Variants in FAF1 observed in about 807,000 individuals in gnomAD.
FAF1 encodes Fas associated factor 1.
In FAF1, 25 loss-of-function variants were observed where a neutral mutation model predicts 92.5. That is an observed-to-expected ratio of 0.27 (90% confidence interval 0.20 to 0.38). FAF1 has a LOEUF of 0.38. Among genes scored for constraint, FAF1 ranks in the 10% least tolerant of loss-of-function variants. The pLI is 1.00. For missense variants in FAF1, 636 were observed against 793.3 expected, an observed-to-expected ratio of 0.80 and a Z score of 2.38; for synonymous variants, 234 against 273.2, an observed-to-expected ratio of 0.86 and a Z score of 1.42.
At chr1:50,887,066 G>T (rs542779704) in intron 1 of FAF1, among the ~76,000 whole-genome samples, 2 of 152,084 alleles carry the variant, frequency 1.3e-5, no homozygotes, top group East Asian at 1.9e-4. Flanking sequence ...TTTAATGATC[G>T]CCATTCTAAC....
chr1:50,538,874 C>CA (rs1452667775), intron 14 of FAF1, among the ~76,000 whole-genome samples: 1 of 152,148 alleles, frequency 6.6e-6, no homozygotes, highest in Non-Finnish European at 1.5e-5. Context: ...CCCCTCCTCC[C>CA]AATCAGACTT....
intron 1 of FAF1, among the ~76,000 whole-genome samples, chr1:50,934,049 T>C (rs1351834665): frequency 6.6e-6 from 1 of 152,220 alleles, no homozygotes; most frequent in Non-Finnish European, 1.5e-5. Flanking sequence ...AGCCAAACCA[T>C]ATCAGCATAT....
chr1:50,509,448 C>A (rs1647104365), intron 15 of FAF1, among the ~76,000 whole-genome samples: 1 of 151,896 alleles, frequency 6.6e-6, no homozygotes, highest in African/African-American at 2.4e-5. Context: ...CCTATCTCTA[C>A]AAAAAATTTA....
At chr1:50,672,254 G>A (rs1380887000) in intron 7 of FAF1, among the ~76,000 whole-genome samples, 4 of 151,970 alleles carry the variant, frequency 2.6e-5, no homozygotes, top group Non-Finnish European at 5.9e-5. Flanking sequence ...TCTTGGCCAG[G>A]CTGGTCTTGA....
intron 8 of FAF1, among the ~76,000 whole-genome samples, chr1:50,651,814 C>G (rs7555308): frequency 6.6e-6 from 1 of 152,122 alleles, no homozygotes; most frequent in Non-Finnish European, 1.5e-5. Flanking sequence ...AGTATAAAAA[C>G]ACCACCGCCT....
rs74080010 is a variant in FAF1 at position 50,585,590 on chromosome 1, G to T, written c.841-779C>A. 6.6e-3 allele frequency among the ~76,000 whole-genome samples: 1,001 copies of T among 152,238 alleles called. 11 individuals carry two copies. Among genetic ancestry groups the T allele is most frequent in the African/African-American group, 0.023 (951 of 41,546 alleles). On this transcript the variant is annotated intron_variant, in intron 9 of 18. Transcript: ENST00000396153. ...ACTTTTGGACTGGGCTGTAAATACT[G>T]CTGAATATTCATGCCTTAGGTAAGA...
intron 6 of FAF1, among the ~76,000 whole-genome samples, chr1:50,713,453 T>A (rs2124439602): frequency 6.6e-6 from 1 of 152,148 alleles, no homozygotes; most frequent in Non-Finnish European, 1.5e-5. Flanking sequence ...TTTGTATTTT[T>A]AGTAGAGACG....
intron 8 of FAF1, among the ~76,000 whole-genome samples, chr1:50,624,442 C>T (rs1406095688): frequency 6.6e-5 from 10 of 152,180 alleles, no homozygotes; most frequent in African/African-American, 9.6e-5. Flanking sequence ...CCACCGCGCC[C>T]GGCCAACTTT....
chr1:50,806,657 C>G (rs1662216821), intron 2 of FAF1, among the ~76,000 whole-genome samples: 1 of 152,178 alleles, frequency 6.6e-6, no homozygotes, highest in South Asian at 2.1e-4. Flanking sequence ...GGGAACATCT[C>G]AGAAGCTCCA....
chr1:50,532,957 A>T (rs1017492457), intron 15 of FAF1, among the ~76,000 whole-genome samples: 4 of 152,136 alleles, frequency 2.6e-5, no homozygotes, highest in African/African-American at 7.2e-5. Context: ...GACTACAGGC[A>T]TGCACCACCA....
intron 7 of FAF1, among the ~76,000 whole-genome samples, chr1:50,671,702 C>T (rs897946934): frequency 2.0e-5 from 3 of 151,602 alleles, no homozygotes; most frequent in Admixed American, 6.6e-5. Context: ...AATACCTTAT[C>T]GATTCATTAA....
chr1:50,775,546 T>C (rs528575870), intron 4 of FAF1, among the ~76,000 whole-genome samples: 25 of 152,128 alleles, frequency 1.6e-4, no homozygotes, highest in African/African-American at 6.0e-4. Flanking sequence ...AGGAGTTTTC[T>C]GGAAAGCTAA....
intron 15 of FAF1, among the ~76,000 whole-genome samples, 172 bp downstream of exon 15, chr1:50,535,194 TAAA>T (rs1008125179): frequency 7.9e-5 from 12 of 152,134 alleles, no homozygotes; most frequent in African/African-American, 2.9e-4. Context: ...CTTGGGGTCA[TAAA>T]AAGAATGGAC....
intron 8 of FAF1, among the ~76,000 whole-genome samples, chr1:50,653,577 T>C (rs1261344927): frequency 6.6e-6 from 1 of 152,170 alleles, no homozygotes; most frequent in Non-Finnish European, 1.5e-5. Flanking sequence ...TTCAAACTCC[T>C]GACCTCGGCC....
At chr1:50,640,400 C>T (rs1471021231) in intron 8 of FAF1, among the ~76,000 whole-genome samples, 1 of 151,468 alleles carries the variant, frequency 6.6e-6, no homozygotes, top group Non-Finnish European at 1.5e-5. Flanking sequence ...TCACGCCATT[C>T]TCCTGCCCCA....
chr1:50,507,478 C>T (rs1387752122), intron 15 of FAF1, among the ~76,000 whole-genome samples: 1 of 152,164 alleles, frequency 6.6e-6, no homozygotes, highest in Non-Finnish European at 1.5e-5. Context: ...GTGGCTCATG[C>T]CTGTAATCCC....
rs553265815 is a variant in FAF1, at chr1:50,850,114, G to C, written c.114+7815C>G. Among the ~76,000 whole-genome samples the C allele has an allele frequency of 4.0e-5, 6 of 151,300 alleles. No homozygotes were observed. In the East Asian group the frequency reaches 1.2e-3, roughly 29 times the overall value. On this transcript the variant is annotated intron_variant, in intron 2 of 18. Coordinates refer to ENST00000396153, the MANE Select transcript of FAF1 (RefSeq NM_007051.3). Reference sequence around the variant, plus strand: ...GATGAAATTTGGATAGTTCCTGAAGGGTTAGGAGCTACGAAAAAAAAAAAA... The same window carrying C: ...GATGAAATTTGGATAGTTCCTGAAGCGTTAGGAGCTACGAAAAAAAAAAAA...
At position 50,441,543 on chromosome 1, in the gene FAF1, A is replaced by G. The variant is rs1182591743; in HGVS notation, c.1870-20T>C. On this transcript the variant is annotated intron_variant, in intron 18 of 18. Coordinates refer to ENST00000396153, the MANE Select transcript of FAF1 (RefSeq NM_007051.3). ...AGTTACCTAAAAAGATGAAGAACAC[A>G]TATTCAAAAGACTGAAACAAGCACT... The G allele has an allele frequency of 1.4e-6, 2 of 1,446,644 alleles. No individual in the cohort carries two copies. The highest frequency in any genetic ancestry group is 1.9e-6 in the Non-Finnish European group (2 of 1,056,384). The allele number at this position is 1,446,644 out of a possible 1,614,324, so 89.6% of individuals were successfully genotyped here. A position where few individuals can be genotyped will look rare whatever the true frequency, so the allele number is the denominator to read the frequency against.
chr1:50,891,195 C>G, intron 1 of FAF1, among the ~76,000 whole-genome samples: 1 of 152,190 alleles, frequency 6.6e-6, no homozygotes, highest in East Asian at 1.9e-4. Context: ...TCTTGTGCCA[C>G]GGTTTTCAGT....
Sources: allele counts gnomAD v4.1 joint callset (sites outside exome capture counted in the v4.1 genomes callset), GRCh38; gene constraint gnomAD v4.1.1; transcripts MANE v1.5; gene names NCBI Gene and HGNC (gene_info 2026-07-23, HGNC 2026-07-21).